Variants in BCAS3 observed in about 807,000 individuals in gnomAD.
The protein encoded by BCAS3 is BCAS3 microtubule associated cell migration factor, also known as BCAS4/BCAS3 fusion.
A neutral mutation model predicts 116.1 loss-of-function variants in BCAS3; 53 were observed. The ratio of observed to expected loss-of-function variants is 0.46; its 90% confidence interval spans 0.37 to 0.57. BCAS3 has a LOEUF of 0.57. Ranked by LOEUF, BCAS3 falls within the 20% of genes least tolerant of loss-of-function variation. The pLI is 0.00. For missense variants in BCAS3, 917 were observed against 1,165.4 expected (o/e 0.79, Z 3.10); for synonymous variants, 391 against 408.2 (o/e 0.96, Z 0.51).
chr17:61,256,999 G>T lies in BCAS3; in HGVS notation c.2426-111328G>T, dbSNP rs767369559. On this transcript the variant is annotated intron_variant, in intron 22 of 23. Coordinates refer to ENST00000407086, the MANE Select transcript of BCAS3 (RefSeq NM_017679.5). The surrounding 1 kb of genome is among the most constrained non-coding windows in gnomAD (Gnocchi z 5.6). ...GGATTTAAAAAAAAATTTACATTAT[G>T]CTTTTTATTTACACAGCATTTCCGC... is the stretch of plus-strand genomic sequence containing the variant. 6.6e-6 allele frequency among the ~76,000 whole-genome samples: 1 copy of T among 152,026 alleles called. No individual in the cohort carries two copies. Among genetic ancestry groups the T allele is most frequent in the Non-Finnish European group, 1.5e-5 (1 of 67,994 alleles).
chr17:60,970,002 A>G (rs1019489373), intron 14 of BCAS3, among the ~76,000 whole-genome samples: 1 of 152,242 alleles, frequency 6.6e-6, no homozygotes, highest in African/African-American at 2.4e-5. Flanking sequence ...TGCTAATGGC[A>G]CATAATACCA....
At chr17:60,959,112 C>T (rs78990361) in intron 14 of BCAS3, among the ~76,000 whole-genome samples, 3,184 of 152,006 alleles carry the variant, frequency 0.021, 41 homozygotes, top group Middle Eastern at 0.065. Context: ...CAAGACCAGA[C>T]TGGGGAACAT....
intron 19 of BCAS3, among the ~76,000 whole-genome samples, chr17:61,044,732 T>A (rs1426563877): frequency 2.0e-5 from 3 of 151,790 alleles, no homozygotes; most frequent in African/African-American, 7.3e-5. Context: ...TTATACTTGC[T>A]CTTATAGAGA....
intron 9 of BCAS3, among the ~76,000 whole-genome samples, chr17:60,876,911 AT>A (rs920826406): frequency 8.8e-4 from 133 of 151,930 alleles, no homozygotes; most frequent in African/African-American, 2.5e-3. Context: ...AATATTAATG[AT>A]TTTTTTTGTT....
At chr17:60,788,049 G>T (rs1426094118) in intron 6 of BCAS3, among the ~76,000 whole-genome samples, 1 of 151,922 alleles carries the variant, frequency 6.6e-6, no homozygotes, top group Admixed American at 6.6e-5. Context: ...AGTGCTTTGC[G>T]TATATTATCT....
In BCAS3 at chr17:61,021,803, A is replaced by G. The variant is rs1275988793; in HGVS notation, c.1637+5902A>G. On this transcript the variant is annotated intron_variant, in intron 16 of 23. Transcript: ENST00000407086. This position sits in a 1 kb window ranked among gnomAD's most constrained non-coding sequence, Gnocchi z 4.6. ...TCAGACTTGGCTATGTGAGTAAATG[A>G]TATTGGCATATAGTAGGCCTTGCAG... Among the ~76,000 whole-genome samples the G allele has an allele frequency of 9.8e-5, 15 of 152,362 alleles. No individual in the cohort carries two copies. The highest frequency in any genetic ancestry group is 3.6e-4 in the African/African-American group (15 of 41,592).
intron 15 of BCAS3, among the ~76,000 whole-genome samples, chr17:61,014,027 G>A (rs1016760092): frequency 2.6e-5 from 4 of 151,888 alleles, no homozygotes; most frequent in East Asian, 3.8e-4. Context: ...TAGGACTTTC[G>A]GGGGGGATGC....
rs2075646089 is a variant in BCAS3 at position 61,119,033 on chromosome 17, C to A, written c.2425+34469C>A. Among the ~76,000 whole-genome samples, 5 of 152,272 alleles carry A rather than the reference C, an allele frequency of 3.3e-5. No homozygotes were observed. The South Asian group carries it at 1.0e-3, about 32-fold the overall frequency. ...GTTGGTTGGGAGTCTCTAGACACAA[C>A]ACTTCACACTAAGCAAGGCTGACAG... On this transcript the variant is annotated intron_variant, in intron 22 of 23. Transcript: ENST00000407086.
chr17:61,015,851 T>G lies in BCAS3; in HGVS notation c.1587T>G (p.Leu529=), dbSNP rs200312103. The G allele has an allele frequency of 1.1e-4, 179 of 1,614,130 alleles. No individual in the cohort carries two copies. In the African/African-American group the frequency reaches 2.1e-3, roughly 19 times the overall value. ...CCAGCTTGATGGTAGTGATGCCTCT[T>G]GCACAAATCAAGCAGCCAATGACAT... is the stretch of plus-strand genomic sequence containing the variant. ...PLPSLMVVMP[L]AQIKQPMTLG... The change falls in exon 16 of 24, where the codon CTT becomes CTG. Residue 529 remains leucine, a synonymous_variant. Transcript: ENST00000407086.
chr17:61,110,186 C>T (rs1322985674), intron 22 of BCAS3, among the ~76,000 whole-genome samples: 2 of 152,182 alleles, frequency 1.3e-5, no homozygotes, highest in Non-Finnish European at 2.9e-5. Context: ...ATTATCCTAG[C>T]ACCATTTGTT....
chr17:61,042,147 A>T (rs2067563979), intron 19 of BCAS3, among the ~76,000 whole-genome samples: 1 of 152,002 alleles, frequency 6.6e-6, no homozygotes, highest in Admixed American at 6.6e-5. Context: ...GCATATATTT[A>T]ACTATCATAT....
chr17:60,726,785 A>T (rs2039919347), intron 5 of BCAS3, among the ~76,000 whole-genome samples: 1 of 152,178 alleles, frequency 6.6e-6, no homozygotes, highest in Non-Finnish European at 1.5e-5. Context: ...CTGGAATTAC[A>T]GGCGTGAGCC....
At chr17:61,283,386 C>T (rs544552224) in intron 22 of BCAS3, among the ~76,000 whole-genome samples, 7 of 151,958 alleles carry the variant, frequency 4.6e-5, no homozygotes, top group African/African-American at 1.2e-4. Context: ...AGTTCATCAG[C>T]GATGATGAAG....
At chr17:61,334,403 A>C (rs1169637062) in intron 22 of BCAS3, among the ~76,000 whole-genome samples, 2 of 152,300 alleles carry the variant, frequency 1.3e-5, no homozygotes, top group East Asian at 3.9e-4. Flanking sequence ...GCGGTGGCTC[A>C]CGCCTGTAAT....
chr17:60,686,423 T>A (rs73990939), intron 3 of BCAS3, among the ~76,000 whole-genome samples: 7,083 of 152,308 alleles, frequency 0.047, 583 homozygotes, highest in African/African-American at 0.16. Context: ...TAGCAGCTTC[T>A]TTAGTTATCA....
At chr17:60,701,805 C>CAAAAA (rs71370178) in intron 4 of BCAS3, among the ~76,000 whole-genome samples, 829 of 76,990 alleles carry the variant, frequency 0.011, 10 homozygotes, top group African/African-American at 0.04. Context: ...ACTAAAAATA[C>CAAAAA]AAAAAAAAAA....
At chr17:60,715,633 T>C (rs1017925013) in intron 5 of BCAS3, among the ~76,000 whole-genome samples, 14 of 149,814 alleles carry the variant, frequency 9.3e-5, no homozygotes, top group African/African-American at 3.4e-4. Flanking sequence ...GGATTACAGG[T>C]GCACGCCCCA....
intron 7 of BCAS3, among the ~76,000 whole-genome samples, chr17:60,856,836 T>C (rs2053719815): frequency 1.3e-5 from 2 of 152,230 alleles, no homozygotes. Flanking sequence ...TTACTTAATT[T>C]AACCTTTTAA....
At chr17:60,732,887 A>G (rs1489235075) in intron 5 of BCAS3, among the ~76,000 whole-genome samples, 2 of 152,188 alleles carry the variant, frequency 1.3e-5, no homozygotes, top group Non-Finnish European at 2.9e-5. Flanking sequence ...CTGTACCAAA[A>G]TATATTCTTC....
Sources: allele counts gnomAD v4.1 joint callset (sites outside exome capture counted in the v4.1 genomes callset), GRCh38; gene constraint gnomAD v4.1.1; non-coding constraint Gnocchi (gnomAD v3.1); transcripts MANE v1.5; gene names NCBI Gene and HGNC (gene_info 2026-07-23, HGNC 2026-07-21).